The following DOCK9 variants were observed in gnomAD, a reference collection of about 807,000 sequenced individuals.
The protein encoded by DOCK9 is dedicator of cytokinesis protein 9.
In DOCK9, 89 loss-of-function variants were observed where a neutral mutation model predicts 263.3. That is an observed-to-expected ratio of 0.34 (90% CI 0.28 to 0.40). The LOEUF is 0.40. DOCK9 is among the 10% of genes least tolerant of loss of function. The probability of loss-of-function intolerance (pLI) is 1.00; values close to 1 mark genes in which losing one functional copy is unlikely to be tolerated. For missense variants in DOCK9, 2,140 were observed against 2,603.4 expected, an observed-to-expected ratio of 0.82 and a Z score of 3.87; for synonymous variants, 976 against 973.1, an observed-to-expected ratio of 1.00 and a Z score of -0.06.
intron 8 of DOCK9, among the ~76,000 whole-genome samples, chr13:98,914,737 G>A (rs1343933987): frequency 6.6e-6 from 1 of 152,176 alleles, no homozygotes; most frequent in Non-Finnish European, 1.5e-5. Flanking sequence ...TCTTTTGTGG[G>A]ACCAGGTAAA....
chr13:98,794,678 G>A lies in DOCK9; in HGVS notation c.6227C>T (p.Thr2076Ile). The A allele has an allele frequency of 1.2e-6, 2 of 1,613,760 alleles. No individual in the cohort carries two copies. Among genetic ancestry groups the A allele is most frequent in the Non-Finnish European group, 1.7e-6 (2 of 1,179,818 alleles). ...CCCGTGAACCATTGTGCTTGTTGGA[G>A]TCCCACTGATGGCGTTGAAGATGTG... is the stretch of plus-strand genomic sequence containing the variant. ...SLHIFNAISG[T>I]PTSTMVHGMT... is the part of the protein sequence containing the mutation. Residue 2076 changes from threonine (T) to isoleucine (I), a missense_variant, in exon 53 of 53, where the codon ACT becomes ATT. Thr to Ile is a moderately conservative substitution (Grantham distance 89). Transcript: ENST00000682017.
intron 1 of DOCK9, among the ~76,000 whole-genome samples, chr13:98,971,131 A>G (rs1027737144): frequency 1.3e-5 from 2 of 152,312 alleles, no homozygotes; most frequent in African/African-American, 4.8e-5. Context: ...CAGGCTCCTC[A>G]TTTTACAGGT....
rs2093513320 is a variant in DOCK9, at chr13:98,849,942, A to T, written c.4013+105T>A. 3.8e-6 allele frequency: 3 copies of T among 781,430 alleles called. No homozygotes were observed. The Admixed American group carries it at 8.0e-5, about 21-fold the overall frequency. The allele number at this position is 781,430 out of a possible 1,614,324, so 48.4% of individuals were successfully genotyped here. A position where few individuals can be genotyped will look rare whatever the true frequency, so the allele number is the denominator to read the frequency against. ...GAAAGGGCTTAAGGAGTAAGTGAGG[A>T]TGTGACATACACTACTCCTCTGGTT... On this transcript the variant is annotated intron_variant, in intron 36 of 52. Coordinates refer to ENST00000682017, the MANE Select transcript of DOCK9 (RefSeq NM_001366683.2).
chr13:98,858,508 T>C (rs2141786137), intron 33 of DOCK9: 1 of 152,284 alleles, frequency 6.6e-6, no homozygotes, highest in African/African-American at 2.4e-5. Context: ...TAAAATTAGC[T>C]AGAAACTCCC....
In DOCK9 at chr13:98,845,189, A is replaced by G. The variant is rs573277977; in HGVS notation, c.4198+735T>C. On this transcript the variant is annotated intron_variant, in intron 38 of 52. Transcript: ENST00000682017. ...TGCTGACTGATAAAAGTAAATTAAA[A>G]ATATGCTCCCCTGTTCTGGCAGAAT... 1.5e-5 allele frequency: 7 copies of G among 478,950 alleles called. No individual in the cohort carries two copies. The Admixed American group carries it at 1.9e-4, about 13-fold the overall frequency. The allele number at this position is 478,950 out of a possible 1,614,324, so 29.7% of individuals were successfully genotyped here.
chr13:98,975,884 T>G (rs1226691859), intron 1 of DOCK9, among the ~76,000 whole-genome samples: 1 of 152,242 alleles, frequency 6.6e-6, no homozygotes, highest in East Asian at 1.9e-4. Flanking sequence ...TGAATAGTAC[T>G]GCCACAAACA....
intron 1 of DOCK9, among the ~76,000 whole-genome samples, chr13:99,005,282 T>A (rs141017708): frequency 0.016 from 2,384 of 152,322 alleles, 35 homozygotes; most frequent in South Asian, 0.056. Context: ...TCTTAACCAA[T>A]ATGTCTCATA....
At chr13:98,813,706 C>A (rs963473273) in intron 45 of DOCK9, among the ~76,000 whole-genome samples, 3 of 152,114 alleles carry the variant, frequency 2.0e-5, no homozygotes, top group Non-Finnish European at 4.4e-5. Context: ...ACGGCGTGAT[C>A]TCGGCTCACC....
intron 27 of DOCK9, among the ~76,000 whole-genome samples, chr13:98,868,764 A>G (rs1275566796): frequency 1.3e-5 from 2 of 152,208 alleles, no homozygotes; most frequent in East Asian, 3.8e-4. Flanking sequence ...AAAAAACCCC[A>G]TAAAACCTCA....
chr13:98,971,793 G>A (rs1049236668), intron 1 of DOCK9, among the ~76,000 whole-genome samples: 1 of 152,190 alleles, frequency 6.6e-6, no homozygotes, highest in South Asian at 2.1e-4. Flanking sequence ...AACTTTCTGG[G>A]AAGATGATAA....
intron 50 of DOCK9, 83 bp downstream of exon 50, chr13:98,800,205 A>T: frequency 7.1e-7 from 1 of 1,399,524 alleles, no homozygotes; most frequent in Non-Finnish European, 9.6e-7. Context: ...TCTCAAGTAG[A>T]CCTTGTTAGT....
intron 7 of DOCK9, among the ~76,000 whole-genome samples, chr13:98,917,556 C>T (rs2051086063): frequency 6.6e-6 from 1 of 151,940 alleles, no homozygotes; most frequent in Admixed American, 6.5e-5. Flanking sequence ...TAGCTGTTGA[C>T]TGAAAACAAT....
chr13:98,827,675 T>A (rs7333307), intron 43 of DOCK9, among the ~76,000 whole-genome samples: 74,026 of 152,048 alleles, frequency 0.49, 19,252 homozygotes, highest in East Asian at 0.85. Flanking sequence ...AGAAGTCTGT[T>A]GGAGAGTGGA....
At chr13:98,965,507 T>C (rs1437216149) in intron 1 of DOCK9, among the ~76,000 whole-genome samples, 2 of 152,172 alleles carry the variant, frequency 1.3e-5, no homozygotes, top group Admixed American at 6.5e-5. Context: ...CAGTCCAGTC[T>C]TCTCATTTTA....
chr13:99,013,040 C>T (rs1884788024), intron 1 of DOCK9, among the ~76,000 whole-genome samples: 1 of 152,162 alleles, frequency 6.6e-6, no homozygotes, highest in Admixed American at 6.5e-5. Context: ...GAGCCAGGCA[C>T]TGTTCTAGCT....
intron 1 of DOCK9, among the ~76,000 whole-genome samples, chr13:99,036,990 T>C (rs977575046): frequency 1.3e-5 from 2 of 152,204 alleles, no homozygotes. Context: ...GAGAATAAGA[T>C]ACAGTTTCTG....
At chr13:98,864,174 C>T (rs1404288178) in intron 30 of DOCK9, among the ~76,000 whole-genome samples, 1 of 152,182 alleles carries the variant, frequency 6.6e-6, no homozygotes. Flanking sequence ...AATATTTCTC[C>T]ACCTCTGAAA....
At position 98,972,018 on chromosome 13, in the gene DOCK9, A is replaced by G. The variant is rs1320182891; in HGVS notation, c.126+5766T>C. ...ACAGTCTCAATGCTAAGCTCAAGTG[A>G]ATACGTTCATTTTTGTTCATGAATC... On this transcript the variant is annotated intron_variant, in intron 1 of 52. Transcript: ENST00000682017. Among the ~76,000 whole-genome samples the G allele has an allele frequency of 4.6e-5, 7 of 152,220 alleles. No individual in the cohort carries two copies. The South Asian group carries it at 8.3e-4, about 18-fold the overall frequency.
At chr13:98,804,479 G>A (rs578076370) in intron 49 of DOCK9, among the ~76,000 whole-genome samples, 1 of 152,312 alleles carries the variant, frequency 6.6e-6, no homozygotes, top group East Asian at 1.9e-4. Context: ...TGAATGCAGT[G>A]AGCTTCCTGG....
Sources: gnomAD v4.1 joint callset for allele counts (sites outside exome capture counted in the v4.1 genomes callset) on GRCh38, gnomAD v4.1.1 for gene constraint, MANE v1.5 for transcripts, NCBI Gene and HGNC (gene_info 2026-07-23, HGNC 2026-07-21) for gene names.